Variants in PRR5L observed in about 807,000 individuals in gnomAD.
PRR5L encodes proline rich 5 like, also known as proline-rich protein 5-like.
In PRR5L, 21 loss-of-function variants were observed where a neutral mutation model predicts 36.4. That is an observed-to-expected ratio of 0.58 (90% CI 0.41 to 0.83). The LOEUF is 0.83. Ranked by LOEUF, PRR5L falls within the 40% of genes least tolerant of loss-of-function variation. The pLI is 0.00. For synonymous variants in PRR5L, 188 were observed against 197.0 expected (o/e 0.95, Z 0.38); for missense variants, 381 against 473.3 (o/e 0.80, Z 1.81).
At chr11:36,351,501 T>TTATATA (rs1459775407) in intron 1 of PRR5L, among the ~76,000 whole-genome samples, 1 of 9,324 alleles carries the variant, frequency 1.1e-4, no homozygotes, top group Non-Finnish European at 1.5e-4. Context: ...TTATATATAT[T>TTATATA]TTTATATATT....
chr11:36,451,254 G>A lies in PRR5L; in HGVS notation c.631G>A (p.Glu211Lys), dbSNP rs936309950. The A allele has an allele frequency of 6.2e-7, 1 of 1,614,190 alleles. No individual in the cohort carries two copies. Among genetic ancestry groups the A allele is most frequent in the Non-Finnish European group, 8.5e-7 (1 of 1,180,030 alleles). Residue 211 changes from glutamate (E) to lysine (K), a missense_variant, in exon 8 of 9, where the codon GAG becomes AAG. By Grantham distance (56) the Glu-to-Lys change is moderately conservative (BLOSUM62 1). Coordinates refer to ENST00000530639, the MANE Select transcript of PRR5L (RefSeq NM_001160167.2). The part of the protein sequence containing the change: ...TGPSESYLQL[E>K]ELVKQVVSPF... ...CCCAAGTGAGAGTTATTTGCAACTG[G>A]AGGAGCTGGTGAAGCAAGTGGTTTC...
chr11:36,337,316 C>T (rs1856777890), intron 1 of PRR5L, among the ~76,000 whole-genome samples: 1 of 152,150 alleles, frequency 6.6e-6, no homozygotes, highest in Non-Finnish European at 1.5e-5. Context: ...CTTGCCCCTT[C>T]CGGCTTCTCC....
chr11:36,361,474 T>A (rs903214445), intron 1 of PRR5L, among the ~76,000 whole-genome samples: 2 of 152,236 alleles, frequency 1.3e-5, no homozygotes, highest in Non-Finnish European at 2.9e-5. Flanking sequence ...ATATGTTAAG[T>A]ATCAACAGAT....
At chr11:36,334,162 A>T (rs538407932) in intron 1 of PRR5L, among the ~76,000 whole-genome samples, 2 of 152,260 alleles carry the variant, frequency 1.3e-5, no homozygotes, top group South Asian at 4.1e-4. Flanking sequence ...ACAGAGACAC[A>T]CCTACTGCAA....
intron 1 of PRR5L, among the ~76,000 whole-genome samples, chr11:36,328,952 G>A (rs567847271): frequency 7.2e-5 from 11 of 152,276 alleles, no homozygotes; most frequent in African/African-American, 1.2e-4. Context: ...AAGGTTACAC[G>A]TTTGTAAATC....
chr11:36,397,590 G>A (rs1016870503), intron 1 of PRR5L, among the ~76,000 whole-genome samples: 3 of 150,272 alleles, frequency 2.0e-5, no homozygotes, highest in African/African-American at 7.4e-5. Flanking sequence ...CTGAGCAGCT[G>A]AGACTACAGG....
chr11:36,377,069 G>A lies in PRR5L; in HGVS notation c.-125-23928G>A, dbSNP rs1857277076. On this transcript the variant is annotated intron_variant, in intron 1 of 8. Coordinates refer to ENST00000530639, the MANE Select transcript of PRR5L (RefSeq NM_001160167.2). The surrounding 1 kb of genome is among the most constrained non-coding windows in gnomAD (Gnocchi z 5.1). ...AGCCGGGAGGTCGAAAAAGAAAGTC[G>A]GCTTGTTTGACTCTCTCGTTCTCCC... 3.3e-5 allele frequency among the ~76,000 whole-genome samples: 5 copies of A among 152,130 alleles called. No homozygotes were observed. Among genetic ancestry groups the A allele is most frequent in the Admixed American group, 3.3e-4 (5 of 15,276 alleles).
At chr11:36,330,401 C>T (rs944189531) in intron 1 of PRR5L, among the ~76,000 whole-genome samples, 1 of 152,118 alleles carries the variant, frequency 6.6e-6, no homozygotes, top group Non-Finnish European at 1.5e-5. Flanking sequence ...TTTAATGAAC[C>T]CCTATCTCCT....
chr11:36,462,159 G>A (rs890596189), intron 8 of PRR5L, among the ~76,000 whole-genome samples, 183 bp from the exon 9 acceptor site: 3 of 152,138 alleles, frequency 2.0e-5, no homozygotes, highest in Non-Finnish European at 4.4e-5. Flanking sequence ...GGCATAAACA[G>A]GTAAAGTTGC....
At chr11:36,306,341 T>G (rs1856431364) in intron 1 of PRR5L, among the ~76,000 whole-genome samples, 1 of 152,232 alleles carries the variant, frequency 6.6e-6, no homozygotes, top group Admixed American at 6.5e-5. Context: ...GGTGTTTGGT[T>G]TTCTGTCCTT....
intron 8 of PRR5L, among the ~76,000 whole-genome samples, chr11:36,456,353 C>T (rs1859058238): frequency 6.6e-6 from 1 of 152,198 alleles, no homozygotes; most frequent in East Asian, 1.9e-4. Flanking sequence ...TTCTCAGCCT[C>T]TCCCTTACAC....
intron 1 of PRR5L, among the ~76,000 whole-genome samples, chr11:36,351,530 TA>T (rs1856957493): frequency 3.5e-4 from 5 of 14,274 alleles, no homozygotes; most frequent in African/African-American, 2.1e-3. Context: ...TTTATATATT[TA>T]TATAAATATA....
rs1857286681 is a variant in PRR5L, at chr11:36,377,446, G to A, written c.-125-23551G>A. 6.6e-6 allele frequency: 1 copy of A among 152,280 alleles called. No homozygotes were observed. The highest frequency in any genetic ancestry group is 1.5e-5 in the Non-Finnish European group (1 of 68,066). 9.4% of individuals were successfully genotyped at this position (152,280 alleles called of 1,614,324 possible). ...GCGCGCTTACTGTGCGCGCATGCCG[G>A]GCTCGCTGCACGCAGGGGGCGCTCT... On this transcript the variant is annotated intron_variant, in intron 1 of 8. Transcript: ENST00000530639. This position sits in a 1 kb window ranked among gnomAD's most constrained non-coding sequence, Gnocchi z 5.1.
At chr11:36,304,098 C>A (rs1856405234) in intron 1 of PRR5L, among the ~76,000 whole-genome samples, 1 of 152,180 alleles carries the variant, frequency 6.6e-6, no homozygotes, top group African/African-American at 2.4e-5. Flanking sequence ...TGAGGCCATT[C>A]CTCAGTTATA....
At chr11:36,433,561 T>G (rs945037716) in intron 5 of PRR5L, among the ~76,000 whole-genome samples, 2 of 152,216 alleles carry the variant, frequency 1.3e-5, no homozygotes, top group African/African-American at 4.8e-5. Flanking sequence ...TTTTGCTTCT[T>G]TTTTTGAGAC....
intron 3 of PRR5L, among the ~76,000 whole-genome samples, chr11:36,416,008 A>C (rs1858134780): frequency 6.6e-6 from 1 of 152,176 alleles, no homozygotes; most frequent in Non-Finnish European, 1.5e-5. Context: ...TGTATCTTGC[A>C]TTGTTTCTTT....
intron 1 of PRR5L, among the ~76,000 whole-genome samples, chr11:36,362,426 C>A (rs943560704): frequency 4.9e-5 from 1 of 20,610 alleles, no homozygotes; most frequent in Non-Finnish European, 1.1e-4. Flanking sequence ...TCACCCTTGG[C>A]GGGGTGGGGG....
chr11:36,440,290 T>A (rs1394793876), intron 6 of PRR5L, among the ~76,000 whole-genome samples: 1 of 152,164 alleles, frequency 6.6e-6, no homozygotes, highest in African/African-American at 2.4e-5. Context: ...TGGAGCCAGT[T>A]CTAACATAAA....
intron 1 of PRR5L, among the ~76,000 whole-genome samples, chr11:36,392,632 C>T (rs369979735): frequency 3.3e-5 from 5 of 152,284 alleles, no homozygotes; most frequent in Admixed American, 1.3e-4. Context: ...ATTTATAAAG[C>T]AGAGTTTTAA....
Sources: allele counts gnomAD v4.1 joint callset (sites outside exome capture counted in the v4.1 genomes callset), GRCh38; gene constraint gnomAD v4.1.1; non-coding constraint Gnocchi (gnomAD v3.1); transcripts MANE v1.5; gene names NCBI Gene and HGNC (gene_info 2026-07-23, HGNC 2026-07-21).